The following SHISA9 variants were observed in gnomAD, a reference collection of about 807,000 sequenced individuals.
The protein encoded by SHISA9 is shisa family member 9, also known as protein shisa-9.
In SHISA9, 13 loss-of-function variants were observed where a neutral mutation model predicts 38.0. The ratio of observed to expected loss-of-function variants is 0.34; its 90% CI spans 0.22 to 0.54. The LOEUF (loss-of-function observed/expected upper bound fraction) is 0.54, where lower values mean the gene tolerates loss of function less well. Among genes scored for constraint, SHISA9 ranks in the 20% least tolerant of loss-of-function variants. The pLI is 0.91. For missense variants in SHISA9, 538 were observed against 575.8 expected (o/e 0.93, Z 0.67); for synonymous variants, 275 against 242.0 (o/e 1.14, Z -1.27).
intron 2 of SHISA9, among the ~76,000 whole-genome samples, chr16:12,938,259 G>T (rs2071559798): frequency 6.6e-6 from 1 of 152,186 alleles, no homozygotes; most frequent in Non-Finnish European, 1.5e-5. Flanking sequence ...AGCAGCCTGG[G>T]GGAATTGAGA....
the SHISA9 span, among the ~76,000 whole-genome samples, chr16:13,490,459 G>A: frequency 6.6e-6 from 1 of 152,194 alleles, no homozygotes; most frequent in Non-Finnish European, 1.5e-5. Context: ...CAGCTCCTTG[G>A]GAGGATGAGG....
At chr16:13,458,866 TG>T in the SHISA9 span, among the ~76,000 whole-genome samples, 2 of 152,088 alleles carry the variant, frequency 1.3e-5, no homozygotes, top group African/African-American at 2.4e-5. Flanking sequence ...TTTTGTTTTT[TG>T]TTTTTTGTTT....
chr16:13,412,424 C>A, the SHISA9 span, among the ~76,000 whole-genome samples: 6 of 152,226 alleles, frequency 3.9e-5, no homozygotes, highest in African/African-American at 1.4e-4. Context: ...CTCTTTCTTT[C>A]TTCTCTATTC....
chr16:13,150,809 A>G lies in SHISA9; in HGVS notation c.692-52585A>G, dbSNP rs574623926. Among the ~76,000 whole-genome samples, 8 of 152,320 alleles carry G rather than the reference A, an allele frequency of 5.3e-5. No individual in the cohort carries two copies. The East Asian group carries it at 1.5e-3, about 29-fold the overall frequency. ...TTTACTTAGTTGGGATTCAACCATG[A>G]CCATGGAAGAAACCCCAGGTAGGGA... On this transcript the variant is annotated intron_variant, in intron 2 of 4. Coordinates refer to ENST00000558583, the MANE Select transcript of SHISA9 (RefSeq NM_001145204.3).
chr16:13,395,841 T>C, the SHISA9 span, among the ~76,000 whole-genome samples: 47 of 152,348 alleles, frequency 3.1e-4, no homozygotes, highest in African/African-American at 1.1e-3. Context: ...CGCCATGTGA[T>C]CTGTGCAGAG....
intron 2 of SHISA9, among the ~76,000 whole-genome samples, chr16:13,194,678 G>A (rs903671907): frequency 6.6e-6 from 1 of 152,088 alleles, no homozygotes; most frequent in Non-Finnish European, 1.5e-5. Flanking sequence ...CCAGGCATAT[G>A]GAAGTCATGG....
At chr16:13,520,318 G>A in the SHISA9 span, among the ~76,000 whole-genome samples, 1 of 152,106 alleles carries the variant, frequency 6.6e-6, no homozygotes, top group Non-Finnish European at 1.5e-5. Context: ...AGTTCTAGGG[G>A]GCCAGGCGTG....
rs538082353 is a variant in SHISA9, at chr16:13,076,693, G to A, written c.692-126701G>A. ...CTCCAAGGCATGCTGGAAGCTGGGT[G>A]AGCTTCCTGAAGCTTCATTATGTGA... On this transcript the variant is annotated intron_variant, in intron 2 of 4. Transcript: ENST00000558583. Among the ~76,000 whole-genome samples, 59 of 152,314 alleles carry A rather than the reference G, an allele frequency of 3.9e-4. No individual in the cohort carries two copies. In the South Asian group the frequency reaches 5.0e-3, roughly 13 times the overall value.
the SHISA9 span, among the ~76,000 whole-genome samples, chr16:13,345,179 T>C: frequency 1.3e-5 from 2 of 151,892 alleles, no homozygotes; most frequent in Non-Finnish European, 2.9e-5. Flanking sequence ...GTCATTGGAG[T>C]TTATTGTACA....
At chr16:13,161,911 A>G (rs970589791) in intron 2 of SHISA9, among the ~76,000 whole-genome samples, 1 of 152,210 alleles carries the variant, frequency 6.6e-6, no homozygotes, top group African/African-American at 2.4e-5. Context: ...TTGGTGATAC[A>G]CATTGCATTT....
chr16:13,228,702 AT>A (rs569746162), intron 4 of SHISA9, among the ~76,000 whole-genome samples: 2 of 151,874 alleles, frequency 1.3e-5, no homozygotes, highest in African/African-American at 4.8e-5. Context: ...TTGCTCATAT[AT>A]TTTTTTTAAT....
the SHISA9 span, among the ~76,000 whole-genome samples, chr16:13,440,223 C>A: frequency 1.3e-5 from 2 of 152,224 alleles, no homozygotes; most frequent in Admixed American, 1.3e-4. Context: ...GGCTCCCTTT[C>A]CTCAGAAGGA....
At chr16:13,084,543 G>A (rs2141940061) in intron 2 of SHISA9, among the ~76,000 whole-genome samples, 1 of 152,226 alleles carries the variant, frequency 6.6e-6, no homozygotes, top group South Asian at 2.1e-4. Flanking sequence ...AGGTGGTGGG[G>A]GTGTAGCACT....
intron 2 of SHISA9, among the ~76,000 whole-genome samples, chr16:13,002,372 C>T (rs1377086677): frequency 6.6e-6 from 1 of 152,128 alleles, no homozygotes; most frequent in African/African-American, 2.4e-5. Context: ...GTCCCTGCAA[C>T]CATCCTAGGA....
chr16:13,082,928 T>A (rs1315031337), intron 2 of SHISA9, among the ~76,000 whole-genome samples: 1 of 152,212 alleles, frequency 6.6e-6, no homozygotes, highest in African/African-American at 2.4e-5. Flanking sequence ...ACCTCCTTCA[T>A]TGCCTTTTGA....
chr16:13,144,235 C>G (rs1422376223), intron 2 of SHISA9, among the ~76,000 whole-genome samples: 2 of 151,476 alleles, frequency 1.3e-5, no homozygotes, highest in Non-Finnish European at 2.9e-5. Context: ...TCACTGCAAC[C>G]TCTGTCTCCT....
intron 2 of SHISA9, among the ~76,000 whole-genome samples, chr16:13,046,144 A>C (rs867848314): frequency 1.7e-4 from 20 of 120,358 alleles, no homozygotes; most frequent in Non-Finnish European, 3.0e-4. Flanking sequence ...TGGGAAAAGC[A>C]GGTTTTCCTC....
chr16:13,436,412 C>A, the SHISA9 span, among the ~76,000 whole-genome samples: 1 of 152,158 alleles, frequency 6.6e-6, no homozygotes, highest in African/African-American at 2.4e-5. Flanking sequence ...CCATAAATTA[C>A]CCCATATGGC....
chr16:13,077,359 CTT>C (rs1157597728), intron 2 of SHISA9, among the ~76,000 whole-genome samples: 1 of 152,058 alleles, frequency 6.6e-6, no homozygotes, highest in Admixed American at 6.6e-5. Flanking sequence ...CCCACATTGA[CTT>C]GTCCTCATAT....
Sources: allele counts gnomAD v4.1 joint callset (sites outside exome capture counted in the v4.1 genomes callset), GRCh38; gene constraint gnomAD v4.1.1; transcripts MANE v1.5; gene names NCBI Gene and HGNC (gene_info 2026-07-23, HGNC 2026-07-21).